PARN: variants seen among roughly 807,000 people sequenced by gnomAD.
PARN encodes the protein poly(A)-specific ribonuclease PARN.
In PARN, 71 loss-of-function variants were observed where a neutral mutation model predicts 102.8. The observed-to-expected ratio is 0.69, with a 90% CI of 0.57 to 0.84. The LOEUF is 0.84. Among genes scored for constraint, PARN ranks in the 40% least tolerant of loss-of-function variants. The pLI is 0.00. For missense variants in PARN, 782 were observed against 760.9 expected, an observed-to-expected ratio of 1.03 and a Z score of -0.33; for synonymous variants, 261 against 252.9, an observed-to-expected ratio of 1.03 and a Z score of -0.30.
At chr16:14,452,635 C>T (rs1313689210) in intron 22 of PARN, among the ~76,000 whole-genome samples, 5 of 152,246 alleles carry the variant, frequency 3.3e-5, no homozygotes, top group Non-Finnish European at 7.3e-5. Flanking sequence ...CCGCACCCAC[C>T]CTACAGCATA....
At chr16:14,616,768 G>A (rs1190954640) in intron 6 of PARN, among the ~76,000 whole-genome samples, 3 of 151,980 alleles carry the variant, frequency 2.0e-5, no homozygotes, top group Non-Finnish European at 4.4e-5. Context: ...AATAATTCCT[G>A]CCAGCAGAGG....
intron 5 of PARN, among the ~76,000 whole-genome samples, chr16:14,622,035 A>C (rs143926615): frequency 4.6e-5 from 7 of 151,848 alleles, no homozygotes; most frequent in Non-Finnish European, 1.0e-4. Context: ...CCTACTAAAA[A>C]TACAAAAATT....
At chr16:14,525,940 T>A (rs1380383294) in intron 21 of PARN, among the ~76,000 whole-genome samples, 3 of 151,830 alleles carry the variant, frequency 2.0e-5, no homozygotes, top group African/African-American at 7.3e-5. Context: ...AACCTCAGCC[T>A]CCCGAGTAGC....
intron 21 of PARN, among the ~76,000 whole-genome samples, chr16:14,523,583 C>T (rs1965849361): frequency 6.6e-6 from 1 of 152,156 alleles, no homozygotes; most frequent in African/African-American, 2.4e-5. Flanking sequence ...GTCTATCCTC[C>T]TGCTGACCTA....
At chr16:14,627,078 A>G in intron 5 of PARN, 28 bp downstream of exon 5, 1 of 1,350,006 alleles carries the variant, frequency 7.4e-7, no homozygotes, top group Non-Finnish European at 1.1e-6. Context: ...GCAATTCAGA[A>G]AAGAAAAATC....
chr16:14,459,839 A>G (rs1292758910), intron 22 of PARN, among the ~76,000 whole-genome samples: 1 of 152,182 alleles, frequency 6.6e-6, no homozygotes, highest in African/African-American at 2.4e-5. Context: ...CCAGAAATAG[A>G]CCCATACGTA....
chr16:14,578,016 C>A (rs1243852474), intron 18 of PARN, among the ~76,000 whole-genome samples: 2 of 151,860 alleles, frequency 1.3e-5, no homozygotes, highest in African/African-American at 4.8e-5. Flanking sequence ...TATACTTAAC[C>A]AAGTTATTCC....
intron 21 of PARN, among the ~76,000 whole-genome samples, chr16:14,528,229 T>C (rs557149217): frequency 2.6e-5 from 4 of 152,188 alleles, no homozygotes; most frequent in Non-Finnish European, 5.9e-5. Flanking sequence ...ACTCAAAAGT[T>C]AACCTCTGTA....
chr16:14,615,692 G>A (rs1395994765), intron 6 of PARN, among the ~76,000 whole-genome samples: 1 of 152,092 alleles, frequency 6.6e-6, no homozygotes, highest in East Asian at 1.9e-4. Context: ...CTTGAGGTCA[G>A]GAGTTCAAGA....
chr16:14,577,167 A>G (rs1969195418), intron 18 of PARN, among the ~76,000 whole-genome samples: 2 of 152,252 alleles, frequency 1.3e-5, no homozygotes, highest in African/African-American at 4.8e-5. Context: ...TAAAGGTTAC[A>G]TTTAGAAAAG....
chr16:14,610,677 G>A lies in PARN; in HGVS notation c.521C>T (p.Pro174Leu). The change falls in exon 7 of 24, where the codon CCT (proline) becomes CTT (leucine). Residue 174 changes from proline (P) to leucine (L), a missense_variant. Physicochemically the swap from Pro to Leu is moderately conservative, Grantham distance 98. Transcript: ENST00000437198. Reference sequence around the variant, plus strand: ...GTCAATAAACTTCTTTTGATCCTCAGGAATCGTGACAGGACATTTTGAAGT... The same window carrying A: ...GTCAATAAACTTCTTTTGATCCTCAAGAATCGTGACAGGACATTTTGAAGT... ...PNTSKCPVTIPEDQKKFIDQV... is the reference protein window; with the variant it reads ...PNTSKCPVTILEDQKKFIDQV... 2.5e-6 allele frequency: 4 copies of A among 1,611,042 alleles called. No homozygotes were observed. Among genetic ancestry groups the A allele is most frequent in the Non-Finnish European group, 3.4e-6 (4 of 1,177,324 alleles).
chr16:14,485,853 A>AG (rs1963651327), intron 21 of PARN, among the ~76,000 whole-genome samples: 2 of 152,024 alleles, frequency 1.3e-5, no homozygotes, highest in Admixed American at 1.3e-4. Context: ...ACGCCTGGCT[A>AG]ATTTTTGTAA....
intron 21 of PARN, among the ~76,000 whole-genome samples, chr16:14,545,742 A>G (rs1966894603): frequency 6.6e-6 from 1 of 152,218 alleles, no homozygotes; most frequent in Non-Finnish European, 1.5e-5. Context: ...GCAAAGGGTT[A>G]AAGCTTTACC....
chr16:14,547,274 C>T (rs1967014807), intron 21 of PARN, among the ~76,000 whole-genome samples: 2 of 151,978 alleles, frequency 1.3e-5, no homozygotes, highest in African/African-American at 4.8e-5. Flanking sequence ...ACCACGTATC[C>T]AAACACCCCA....
At chr16:14,515,892 A>G (rs1245144679) in intron 21 of PARN, among the ~76,000 whole-genome samples, 1 of 152,170 alleles carries the variant, frequency 6.6e-6, no homozygotes, top group Non-Finnish European at 1.5e-5. Flanking sequence ...GTGAGCTATG[A>G]TAGCACCAAT....
rs1967494318 is a variant in PARN at position 14,554,006 on chromosome 16, A to C, written c.1405+59T>G. On this transcript the variant is annotated intron_variant, in intron 20 of 23. Coordinates refer to ENST00000437198, the MANE Select transcript of PARN (RefSeq NM_002582.4). ...GGCCAAAACTATCTTTCTACTTCTG[A>C]CCACCTATACCAAATGAATAGCAAA... is the stretch of plus-strand genomic sequence containing the variant. 5.8e-6 allele frequency: 6 copies of C among 1,034,648 alleles called. No individual in the cohort carries two copies. In the East Asian group the frequency reaches 1.5e-4, roughly 26 times the overall value. The allele number at this position is 1,034,648 out of a possible 1,614,324, so 64.1% of individuals were successfully genotyped here. A position where few individuals can be genotyped will look rare whatever the true frequency, so the allele number is the denominator to read the frequency against.
At chr16:14,501,922 C>T (rs527465559) in intron 21 of PARN, among the ~76,000 whole-genome samples, 1 of 152,364 alleles carries the variant, frequency 6.6e-6, no homozygotes, top group South Asian at 2.1e-4. Context: ...GGAAAGAGCA[C>T]AGGCACACCT....
intron 23 of PARN, among the ~76,000 whole-genome samples, chr16:14,444,245 A>G (rs977109132): frequency 1.3e-5 from 2 of 152,160 alleles, no homozygotes; most frequent in Non-Finnish European, 2.9e-5. Flanking sequence ...GGTGCTCCAG[A>G]AGAAAGCTCG....
At chr16:14,448,997 G>A (rs1961324915) in intron 22 of PARN, among the ~76,000 whole-genome samples, 7 of 152,116 alleles carry the variant, frequency 4.6e-5, no homozygotes, top group Admixed American at 4.6e-4. Context: ...TTAAAGACTA[G>A]AAAAAGTTCG....
Sources: allele counts gnomAD v4.1 joint callset (sites outside exome capture counted in the v4.1 genomes callset), GRCh38; gene constraint gnomAD v4.1.1; transcripts MANE v1.5; gene names NCBI Gene and HGNC (gene_info 2026-07-23, HGNC 2026-07-21).